KIAA0232: variants seen among roughly 807,000 people sequenced by gnomAD.
KIAA0232 encodes the protein uncharacterized protein KIAA0232.
In KIAA0232, 27 loss-of-function variants were observed where a neutral mutation model predicts 122.0. The ratio of observed to expected loss-of-function variants is 0.22; its 90% confidence interval spans 0.16 to 0.31. KIAA0232 has a LOEUF of 0.31. Ranked by LOEUF, KIAA0232 falls within the 10% of genes least tolerant of loss-of-function variation. The pLI, the probability that KIAA0232 is intolerant of heterozygous loss-of-function variation, is 1.00. For missense variants in KIAA0232, 1,551 were observed against 1,634.2 expected, an observed-to-expected ratio of 0.95 and a Z score of 0.88; for synonymous variants, 613 against 587.6, an observed-to-expected ratio of 1.04 and a Z score of -0.63.
intron 3 of KIAA0232, among the ~76,000 whole-genome samples, chr4:6,835,723 G>T (rs13135317): frequency 0.79 from 120,510 of 152,064 alleles, 48,318 homozygotes; most frequent in Non-Finnish European, 0.85. Flanking sequence ...GAAGTGTTTG[G>T]TTTTCTGTCC....
rs546566146 is a variant in KIAA0232 at position 6,831,671 on chromosome 4, T to A, written c.231+6987T>A. 5.4e-4 allele frequency among the ~76,000 whole-genome samples: 82 copies of A among 152,318 alleles called. 4 individuals carry two copies. The South Asian group carries it at 0.017, about 31-fold the overall frequency. On this transcript the variant is annotated intron_variant, in intron 3 of 9. Coordinates refer to ENST00000307659, the MANE Select transcript of KIAA0232 (RefSeq NM_014743.3). ...ATAGCCACACACAGAAATGGAAGAT[T>A]ACTGGCAACCCAGAAGCCCCCCTCG...
At chr4:6,841,554 T>A (rs979794449) in intron 3 of KIAA0232, among the ~76,000 whole-genome samples, 1 of 152,150 alleles carries the variant, frequency 6.6e-6, no homozygotes, top group Non-Finnish European at 1.5e-5. Context: ...ATACATAAAC[T>A]TTTTTTATAA....
rs1333730368 is a variant in KIAA0232 at position 6,884,030 on chromosome 4, TAAAAC to T, written c.*3067_*3071del. On this transcript the variant is annotated 3_prime_UTR_variant, in exon 10 of 10. Transcript: ENST00000307659. ...GTAGATTTAACAGGTTCCTCATTGA[TAAAAC>T]AATGTTTTTTTGGTTGTTTATTCAG... The T allele has an allele frequency of 6.6e-6, 1 of 152,230 alleles. No individual in the cohort carries two copies. Among genetic ancestry groups the T allele is most frequent in the Non-Finnish European group, 1.5e-5 (1 of 68,032 alleles). 9.4% of individuals were successfully genotyped at this position (152,230 alleles called of 1,614,324 possible). A position where few individuals can be genotyped will look rare whatever the true frequency, so the allele number is the denominator to read the frequency against.
intron 1 of KIAA0232, among the ~76,000 whole-genome samples, chr4:6,784,819 T>G (rs961863122): frequency 1.3e-5 from 2 of 151,734 alleles, no homozygotes; most frequent in African/African-American, 2.4e-5. Flanking sequence ...AAAGTGCAGG[T>G]GCTTTTTTGT....
At chr4:6,851,998 A>G (rs968340049) in intron 4 of KIAA0232, among the ~76,000 whole-genome samples, 2 of 152,172 alleles carry the variant, frequency 1.3e-5, no homozygotes, top group African/African-American at 4.8e-5. Flanking sequence ...TTTAATTATT[A>G]TAACAGTTTG....
chr4:6,824,993 C>T lies in KIAA0232; in HGVS notation c.231+309C>T, dbSNP rs555460376. ...GACCTGCTGCCTTTGAGTAGCAGTG[C>T]TCTGGAATGTTGATTTCTACTATTT... is the stretch of plus-strand genomic sequence containing the variant. On this transcript the variant is annotated intron_variant, in intron 3 of 9. Coordinates refer to ENST00000307659, the MANE Select transcript of KIAA0232 (RefSeq NM_014743.3). Among the ~76,000 whole-genome samples, 11 of 152,306 alleles carry T rather than the reference C, an allele frequency of 7.2e-5. No individual in the cohort carries two copies. In the South Asian group the frequency reaches 1.9e-3, roughly 26 times the overall value.
At chr4:6,793,916 C>T (rs1361015652) in intron 1 of KIAA0232, among the ~76,000 whole-genome samples, 2 of 152,174 alleles carry the variant, frequency 1.3e-5, no homozygotes, top group Non-Finnish European at 2.9e-5. Flanking sequence ...AACAGGAGCC[C>T]AGACTTCCGT....
intron 7 of KIAA0232, among the ~76,000 whole-genome samples, chr4:6,867,280 T>C (rs972945916): frequency 2.6e-5 from 4 of 152,088 alleles, no homozygotes; most frequent in Admixed American, 6.5e-5. Context: ...CTGTGAAGGT[T>C]GAGGAAGGTT....
At chr4:6,830,403 CTTTTTTTTTTTTT>C (rs10714574) in intron 3 of KIAA0232, among the ~76,000 whole-genome samples, 8 of 75,528 alleles carry the variant, frequency 1.1e-4, no homozygotes, top group Admixed American at 5.6e-4. Context: ...TCTCTGTTGT[CTTTTTTTTTTTTT>C]TTTTTTTTTT....
In KIAA0232 at chr4:6,862,511, C is replaced by A. The variant is rs1485176138; in HGVS notation, c.2129C>A (p.Thr710Asn). 6.2e-7 allele frequency: 1 copy of A among 1,613,684 alleles called. No individual in the cohort carries two copies. The highest frequency in any genetic ancestry group is 8.5e-7 in the Non-Finnish European group (1 of 1,179,932). The change falls in exon 7 of 10, where the codon ACT becomes AAT. Residue 710 changes from threonine to asparagine, a missense_variant. This residue lies in a region of KIAA0232 where 1,108 missense variants were observed against 1,154.8 expected (regional missense o/e 0.96). Transcript: ENST00000307659. ...NEHCSNLSTR[T>N]CSPWSHSEET... ...CACTGTTCTAATCTTTCAACAAGAA[C>A]TTGTAGTCCATGGTCCCATTCAGAA...
chr4:6,801,723 A>G (rs952564754), intron 1 of KIAA0232, among the ~76,000 whole-genome samples: 9 of 152,140 alleles, frequency 5.9e-5, no homozygotes, highest in African/African-American at 2.2e-4. Context: ...TACAGTGCTT[A>G]GGACTTTAAT....
In KIAA0232 at chr4:6,805,171, C is replaced by T. The variant is rs1272011508; in HGVS notation, c.-270+565C>T. Among the ~76,000 whole-genome samples the T allele has an allele frequency of 3.3e-5, 5 of 152,214 alleles. No homozygotes were observed. In the East Asian group the frequency reaches 9.6e-4, roughly 29 times the overall value. On this transcript the variant is annotated intron_variant, in intron 2 of 9. Coordinates refer to ENST00000307659, the MANE Select transcript of KIAA0232 (RefSeq NM_014743.3). ...ATGACACTGTTTATTTAAATATCTT[C>T]CTAGGGTCCAGAAGAATTACTATAG... is the stretch of plus-strand genomic sequence containing the variant.
intron 5 of KIAA0232, 27 bp downstream of exon 5, chr4:6,857,257 C>T (rs1395616441): frequency 6.3e-7 from 1 of 1,589,742 alleles, no homozygotes; most frequent in Non-Finnish European, 8.6e-7. Context: ...TGTGCGCACA[C>T]ATGCCAGGAT....
chr4:6,830,403 CTTTTTTTTTTT>C (rs10714574), intron 3 of KIAA0232, among the ~76,000 whole-genome samples: 2 of 75,528 alleles, frequency 2.6e-5, no homozygotes, highest in African/African-American at 4.7e-5. Flanking sequence ...TCTCTGTTGT[CTTTTTTTTTTT>C]TTTTTTTTTT....
chr4:6,866,214 A>G, intron 7 of KIAA0232: 1 of 983,980 alleles, frequency 1.0e-6, no homozygotes, highest in African/African-American at 1.7e-5. Flanking sequence ...GAAAAAGAGG[A>G]AAGAAGCAAG....
In KIAA0232 at chr4:6,804,612, TC is replaced by T. The variant is rs1209391564; in HGVS notation, c.-270+9del. On this transcript the variant is annotated splice_region_variant and intron_variant, in intron 2 of 9. Coordinates refer to ENST00000307659, the MANE Select transcript of KIAA0232 (RefSeq NM_014743.3). Reference sequence around the variant, plus strand: ...GTTGAGAATGAAGACAACCAGTAAGTCCCTAAGTGTATGTGGGAAATGGGAA... The same window carrying T: ...GTTGAGAATGAAGACAACCAGTAAGTCCTAAGTGTATGTGGGAAATGGGAA... The T allele has an allele frequency of 6.6e-6, 1 of 152,086 alleles. No individual in the cohort carries two copies. Among genetic ancestry groups the T allele is most frequent in the Non-Finnish European group, 1.5e-5 (1 of 68,054 alleles). 9.4% of individuals were successfully genotyped at this position (152,086 alleles called of 1,614,324 possible). A position where few individuals can be genotyped will look rare whatever the true frequency, so the allele number is the denominator to read the frequency against.
rs554035075 is a variant in KIAA0232 at position 6,875,489 on chromosome 4, T to C, written c.3911-1171T>C. ...CAGAGAGAACAGCTGTGGAGAGTCT[T>C]CCATGTGGCCAGTGCAGCTGCAGGA... On this transcript the variant is annotated intron_variant, in intron 8 of 9. Transcript: ENST00000307659. 2.6e-5 allele frequency among the ~76,000 whole-genome samples: 4 copies of C among 152,296 alleles called. No individual in the cohort carries two copies. The South Asian group carries it at 8.3e-4, about 32-fold the overall frequency.
intron 4 of KIAA0232, among the ~76,000 whole-genome samples, chr4:6,847,935 T>C (rs527383581): frequency 1.1e-4 from 16 of 152,260 alleles, no homozygotes; most frequent in African/African-American, 3.4e-4. Flanking sequence ...TAGTACTTTA[T>C]CTCCCACTTT....
In KIAA0232 at chr4:6,824,244, C is replaced by A. The variant is rs191213887; in HGVS notation, c.-210C>A. ...AAATTAAAGTAGAAAATCACATCTA[C>A]ATGCATGTTGCTATCAGGATGTTGA... On this transcript the variant is annotated 5_prime_UTR_variant, in exon 3 of 10. Transcript: ENST00000307659. The A allele has an allele frequency of 1.5e-5, 9 of 590,572 alleles. No individual in the cohort carries two copies. The East Asian group carries it at 2.5e-4, about 16-fold the overall frequency. The allele number at this position is 590,572 out of a possible 1,614,324, so 36.6% of individuals were successfully genotyped here. A position where few individuals can be genotyped will look rare whatever the true frequency, so the allele number is the denominator to read the frequency against.
Sources: allele counts gnomAD v4.1 joint callset (sites outside exome capture counted in the v4.1 genomes callset), GRCh38; gene constraint gnomAD v4.1.1; regional missense constraint gnomAD v4.1.1; transcripts MANE v1.5; gene names NCBI Gene and HGNC (gene_info 2026-07-23, HGNC 2026-07-21).